USP49: variants seen among roughly 807,000 people sequenced by gnomAD.
The protein encoded by USP49 is ubiquitin carboxyl-terminal hydrolase 49.
A neutral mutation model predicts 58.6 loss-of-function variants in USP49; 24 were observed. The ratio of observed to expected loss-of-function variants is 0.41; its 90% CI spans 0.30 to 0.58. USP49 has a LOEUF of 0.58. Among genes scored for constraint, USP49 ranks in the 20% least tolerant of loss-of-function variants. The pLI, the probability that USP49 is intolerant of heterozygous loss-of-function variation, is 0.30. For missense variants in USP49, 703 were observed against 866.1 expected (o/e 0.81, Z 2.36); for synonymous variants, 408 against 365.1 (o/e 1.12, Z -1.34).
intron 3 of USP49, among the ~76,000 whole-genome samples, chr6:41,849,369 C>A (rs541697629): frequency 6.6e-6 from 1 of 152,104 alleles, no homozygotes; most frequent in Non-Finnish European, 1.5e-5. Flanking sequence ...CAAAACTCCA[C>A]TTTCAATAAT....
At chr6:41,829,777 C>T (rs957830843) in intron 3 of USP49, among the ~76,000 whole-genome samples, 2 of 152,110 alleles carry the variant, frequency 1.3e-5, no homozygotes, top group Non-Finnish European at 2.9e-5. Flanking sequence ...GGGAACAGGT[C>T]TGTAGTTTTA....
chr6:41,872,664 C>T (rs1483273026), intron 2 of USP49, among the ~76,000 whole-genome samples: 2 of 150,792 alleles, frequency 1.3e-5, no homozygotes, highest in Admixed American at 6.6e-5. Context: ...TTTGGGAGGC[C>T]GAGACGGGCG....
rs2127312141 is a variant in USP49, at chr6:41,791,126, A to G, written c.*5407T>C. ...AAAACTTCCAAAATTGAAAATCAAAATCCAGCAAGAATTAAGACATGGCAG... is the reference window on the plus strand; with the variant it reads ...AAAACTTCCAAAATTGAAAATCAAAGTCCAGCAAGAATTAAGACATGGCAG... On this transcript the variant is annotated 3_prime_UTR_variant, in exon 8 of 8. Coordinates refer to ENST00000682992, the MANE Select transcript of USP49 (RefSeq NM_001286554.2). The G allele has an allele frequency of 6.6e-6, 1 of 152,362 alleles. No homozygotes were observed. Among genetic ancestry groups the G allele is most frequent in the South Asian group, 2.1e-4 (1 of 4,830 alleles). The allele number at this position is 152,362 out of a possible 1,614,324, so 9.4% of individuals were successfully genotyped here.
At chr6:41,816,469 T>G (rs976851981) in intron 3 of USP49, among the ~76,000 whole-genome samples, 3 of 152,164 alleles carry the variant, frequency 2.0e-5, no homozygotes, top group African/African-American at 7.2e-5. Flanking sequence ...TAATTACATC[T>G]CTGTTTTCAG....
chr6:41,846,507 T>A (rs1017087939), intron 3 of USP49, among the ~76,000 whole-genome samples: 5 of 151,744 alleles, frequency 3.3e-5, no homozygotes, highest in African/African-American at 9.7e-5. Flanking sequence ...AATGAATGAG[T>A]GAGAGGCAGT....
chr6:41,790,954 C>G lies in USP49; in HGVS notation c.*5579G>C, dbSNP rs141310520. ...GTGACCAAGGAGGAAACTTTTAAGC[C>G]ATAGTATAGATGCTAACCCCCATTT... On this transcript the variant is annotated 3_prime_UTR_variant, in exon 8 of 8. Coordinates refer to ENST00000682992, the MANE Select transcript of USP49 (RefSeq NM_001286554.2). 3.9e-5 allele frequency: 6 copies of G among 152,252 alleles called. No homozygotes were observed. In the East Asian group the frequency reaches 9.7e-4, roughly 25 times the overall value. The allele number at this position is 152,252 out of a possible 1,614,324, so 9.4% of individuals were successfully genotyped here.
chr6:41,821,704 G>C (rs1454662978), intron 3 of USP49, among the ~76,000 whole-genome samples: 1 of 152,098 alleles, frequency 6.6e-6, no homozygotes, highest in Non-Finnish European at 1.5e-5. Flanking sequence ...AGCCTGGGAG[G>C]TGGAGGTTGC....
At chr6:41,872,747 A>AC (rs1039707609) in intron 2 of USP49, among the ~76,000 whole-genome samples, 4 of 150,446 alleles carry the variant, frequency 2.7e-5, no homozygotes, top group Admixed American at 1.3e-4. Context: ...AAATACAAAA[A>AC]AAAAAAAAAA....
intron 3 of USP49, among the ~76,000 whole-genome samples, chr6:41,868,245 A>G (rs1774354827): frequency 6.6e-6 from 1 of 152,236 alleles, no homozygotes; most frequent in African/African-American, 2.4e-5. Context: ...GAGATAATGA[A>G]TAAATGAGTA....
Position 41,838,839 on chromosome 6 carries a change from G to T in USP49, c.-28-31828C>A, listed in dbSNP as rs534129005. 2.9e-4 allele frequency among the ~76,000 whole-genome samples: 44 copies of T among 152,200 alleles called. No homozygotes were observed. The South Asian group carries it at 6.4e-3, about 22-fold the overall frequency. ...AGACCACATATAGGTCACAAAACAA[G>T]TCTCAATAAATTTAGGAAAATGAAA... On this transcript the variant is annotated intron_variant, in intron 3 of 7. Coordinates refer to ENST00000682992, the MANE Select transcript of USP49 (RefSeq NM_001286554.2).
chr6:41,880,717 T>C (rs560567286), intron 2 of USP49, among the ~76,000 whole-genome samples: 1 of 152,210 alleles, frequency 6.6e-6, no homozygotes, highest in South Asian at 2.1e-4. Context: ...CAAATTTACA[T>C]CTCATGCACC....
chr6:41,886,054 T>C (rs1774704925), intron 2 of USP49, among the ~76,000 whole-genome samples: 1 of 152,270 alleles, frequency 6.6e-6, no homozygotes, highest in Non-Finnish European at 1.5e-5. Context: ...GTATTTGCTT[T>C]CTCATCTTTA....
chr6:41,864,216 C>G (rs182250207), intron 3 of USP49, among the ~76,000 whole-genome samples: 1 of 152,262 alleles, frequency 6.6e-6, no homozygotes, highest in East Asian at 1.9e-4. Context: ...TACCTCTTTT[C>G]CCTCTTAAAA....
chr6:41,794,571 T>TAGA lies in USP49; in HGVS notation c.*1961_*1962insTCT, dbSNP rs1167268125. ...TTTTTGAGTTAATGGGCTTTTCTAT[T>TAGA]GCCACAAAAAGTCATTACTAATCAT... On this transcript the variant is annotated 3_prime_UTR_variant, in exon 8 of 8. Coordinates refer to ENST00000682992, the MANE Select transcript of USP49 (RefSeq NM_001286554.2). 1 of 152,190 alleles carries TAGA rather than the reference T, an allele frequency of 6.6e-6. No homozygotes were observed. The highest frequency in any genetic ancestry group is 2.4e-5 in the African/African-American group (1 of 41,450). 9.4% of individuals were successfully genotyped at this position (152,190 alleles called of 1,614,324 possible).
At chr6:41,851,424 T>C (rs1582020974) in intron 3 of USP49, among the ~76,000 whole-genome samples, 1 of 152,234 alleles carries the variant, frequency 6.6e-6, no homozygotes, top group African/African-American at 2.4e-5. Flanking sequence ...TGGACAAGAT[T>C]CAACAAAACA....
intron 3 of USP49, among the ~76,000 whole-genome samples, chr6:41,866,003 C>G (rs1164326684): frequency 2.8e-5 from 4 of 143,446 alleles, no homozygotes; most frequent in African/African-American, 1.1e-4. Context: ...CTCACTGCAA[C>G]CTCCGCCTCC....
At chr6:41,842,672 C>A (rs1773847878) in intron 3 of USP49, among the ~76,000 whole-genome samples, 1 of 151,996 alleles carries the variant, frequency 6.6e-6, no homozygotes, top group Non-Finnish European at 1.5e-5. Context: ...GGTAAGACTT[C>A]AAAATACAGT....
rs190932621 is a variant in USP49, at chr6:41,833,306, A to G, written c.-28-26295T>C. ...GCTGGGATTACAGGTGTGAGCCACC[A>G]CGCCCGGCCTTGACACAGTATTTCT... On this transcript the variant is annotated intron_variant, in intron 3 of 7. Coordinates refer to ENST00000682992, the MANE Select transcript of USP49 (RefSeq NM_001286554.2). Among the ~76,000 whole-genome samples the G allele has an allele frequency of 1.7e-3, 253 of 151,578 alleles. 1 individual carries two copies. Among genetic ancestry groups the G allele is most frequent in the African/African-American group, 5.8e-3 (240 of 41,520 alleles).
chr6:41,807,111 G>A (rs1581994163), intron 3 of USP49, 100 bp from the exon 4 acceptor site: 2 of 1,202,652 alleles, frequency 1.7e-6, no homozygotes, highest in African/African-American at 3.1e-5. Flanking sequence ...GCTTGCAATT[G>A]ATATTTCAAC....
Sources: allele counts gnomAD v4.1 joint callset (sites outside exome capture counted in the v4.1 genomes callset), GRCh38; gene constraint gnomAD v4.1.1; transcripts MANE v1.5; gene names NCBI Gene and HGNC (gene_info 2026-07-23, HGNC 2026-07-21).